Variants in SUGCT observed in about 807,000 individuals in gnomAD.
SUGCT encodes succinyl-CoA:glutarate CoA-transferase.
SUGCT carries 41 observed loss-of-function variants against 55.0 expected under a neutral mutation model. The observed-to-expected ratio is 0.74, with a 90% CI of 0.58 to 0.97. The LOEUF is 0.97. Ranked by LOEUF, SUGCT falls within the 50% of genes least tolerant of loss-of-function variation. SUGCT has a pLI of 0.00. For missense variants in SUGCT, 568 were observed against 547.8 expected, an observed-to-expected ratio of 1.04 and a Z score of -0.37; for synonymous variants, 187 against 200.4, an observed-to-expected ratio of 0.93 and a Z score of 0.56.
chr7:40,841,270 A>C (rs534577049), intron 13 of SUGCT, among the ~76,000 whole-genome samples: 2 of 152,250 alleles, frequency 1.3e-5, no homozygotes, highest in Admixed American at 1.3e-4. Flanking sequence ...TTTACAGACA[A>C]TAATTTATAA....
chr7:40,197,362 A>C (rs1786348487), intron 6 of SUGCT, among the ~76,000 whole-genome samples: 1 of 152,208 alleles, frequency 6.6e-6, no homozygotes, highest in Non-Finnish European at 1.5e-5. Flanking sequence ...ATATAGGTAA[A>C]TTATCTTCTG....
chr7:40,429,362 G>A (rs1043110316), intron 9 of SUGCT, among the ~76,000 whole-genome samples: 3 of 152,110 alleles, frequency 2.0e-5, no homozygotes, highest in Admixed American at 6.5e-5. Context: ...TAGGATAGAT[G>A]TATATATAAA....
chr7:40,785,475 T>C (rs1205316420), intron 13 of SUGCT, among the ~76,000 whole-genome samples: 1 of 152,180 alleles, frequency 6.6e-6, no homozygotes, highest in East Asian at 1.9e-4. Context: ...AACCAGGAAC[T>C]TAAGGTAAAT....
At chr7:40,138,420 A>C (rs1787807495) in intron 1 of SUGCT, among the ~76,000 whole-genome samples, 1 of 152,098 alleles carries the variant, frequency 6.6e-6, no homozygotes, top group African/African-American at 2.4e-5. Context: ...GGTTGATTTC[A>C]TATCTTTGCT....
intron 1 of SUGCT, among the ~76,000 whole-genome samples, chr7:40,136,027 C>T (rs538817092): frequency 2.0e-5 from 3 of 148,422 alleles, no homozygotes; most frequent in South Asian, 4.2e-4. Context: ...GAGACAGTCT[C>T]GCTCTGTCGC....
the SUGCT span, among the ~76,000 whole-genome samples, chr7:41,033,138 C>T: frequency 6.6e-6 from 1 of 152,176 alleles, no homozygotes; most frequent in African/African-American, 2.4e-5. Context: ...CAGGCCCAAA[C>T]ATTTGGTCAT....
Position 40,274,596 on chromosome 7 carries a change from G to T in SUGCT, c.660G>T (p.Leu220Phe). Residue 220 changes from leucine (L) to phenylalanine (F), a missense_variant, in exon 8 of 14, where the codon TTG becomes TTT. Coordinates refer to ENST00000335693, the MANE Select transcript of SUGCT (RefSeq NM_001193313.2). ...CATATGGAGCTATTATGGCTGGATT[G>T]ATACAAAAATACAAAACTGGGAAAG... ...LYAYGAIMAGLIQKYKTGKGL... is the reference protein window; with the variant it reads ...LYAYGAIMAGFIQKYKTGKGL... 6.2e-7 allele frequency: 1 copy of T among 1,613,750 alleles called. No individual in the cohort carries two copies. Among genetic ancestry groups the T allele is most frequent in the Non-Finnish European group, 8.5e-7 (1 of 1,179,790 alleles).
chr7:40,880,916 G>A, the SUGCT span, among the ~76,000 whole-genome samples: 2 of 152,186 alleles, frequency 1.3e-5, no homozygotes, highest in Non-Finnish European at 2.9e-5. Context: ...CTTATTGTGA[G>A]GTAGAGAGAG....
chr7:40,935,031 G>C, the SUGCT span, among the ~76,000 whole-genome samples: 2 of 152,218 alleles, frequency 1.3e-5, no homozygotes, highest in African/African-American at 4.8e-5. Flanking sequence ...GCAGAACAGA[G>C]CTTTTCCATT....
At chr7:40,315,379 C>A (rs1157977996) in intron 8 of SUGCT, among the ~76,000 whole-genome samples, 1 of 152,230 alleles carries the variant, frequency 6.6e-6, no homozygotes, top group African/African-American at 2.4e-5. Flanking sequence ...CGGCCCCAGG[C>A]AGCCCTGGAA....
chr7:40,809,324 A>AT (rs556422397), intron 13 of SUGCT, among the ~76,000 whole-genome samples: 175 of 152,184 alleles, frequency 1.1e-3, no homozygotes, highest in African/African-American at 4.0e-3. Flanking sequence ...AATATCTGTT[A>AT]TTTTTTACCA....
intron 6 of SUGCT, among the ~76,000 whole-genome samples, chr7:40,228,484 G>A (rs116421844): frequency 6.6e-6 from 1 of 151,584 alleles, no homozygotes. Flanking sequence ...TCTATAACTT[G>A]TTCAGGTTTG....
At chr7:40,860,217 T>C (rs763856434) in intron 13 of SUGCT, 99 bp from the exon 14 acceptor site, 2 of 1,409,518 alleles carry the variant, frequency 1.4e-6, no homozygotes, top group Non-Finnish European at 2.0e-6. Context: ...CACTCATTGA[T>C]ATTTTTGGCA....
intron 6 of SUGCT, among the ~76,000 whole-genome samples, chr7:40,216,240 G>A (rs1457851944): frequency 1.3e-5 from 2 of 151,854 alleles, no homozygotes; most frequent in Non-Finnish European, 2.9e-5. Flanking sequence ...GGTAGCTCAC[G>A]CCTGTAATCC....
chr7:40,752,829 CTTTT>C (rs979692969), intron 13 of SUGCT, among the ~76,000 whole-genome samples: 1 of 152,074 alleles, frequency 6.6e-6, no homozygotes, highest in Non-Finnish European at 1.5e-5. Flanking sequence ...TTTCTTTCTC[CTTTT>C]TTTGTTTTAA....
intron 12 of SUGCT, among the ~76,000 whole-genome samples, chr7:40,501,211 A>G (rs1484113703): frequency 1.3e-5 from 2 of 152,156 alleles, no homozygotes; most frequent in Non-Finnish European, 2.9e-5. Context: ...CTGATGTACA[A>G]ATTTAGATAC....
chr7:40,866,374 T>C, the SUGCT span, among the ~76,000 whole-genome samples: 1 of 152,028 alleles, frequency 6.6e-6, no homozygotes, highest in African/African-American at 2.4e-5. Flanking sequence ...AATGTACTCC[T>C]GATGAACATT....
At chr7:40,720,188 A>G (rs1786253628) in intron 12 of SUGCT, among the ~76,000 whole-genome samples, 2 of 152,180 alleles carry the variant, frequency 1.3e-5, no homozygotes, top group East Asian at 3.9e-4. Context: ...TTAGAGTCAC[A>G]TGACCTTGGT....
rs568284254 is a variant in SUGCT at position 40,510,891 on chromosome 7, A to G, written c.1089+14505A>G. Among the ~76,000 whole-genome samples, 28 of 152,280 alleles carry G rather than the reference A, an allele frequency of 1.8e-4. No homozygotes were observed. The South Asian group carries it at 4.8e-3, about 26-fold the overall frequency. On this transcript the variant is annotated intron_variant, in intron 12 of 13. Coordinates refer to ENST00000335693, the MANE Select transcript of SUGCT (RefSeq NM_001193313.2). ...AATAATTGTTGTGGGAAAAAGGACC[A>G]TTGGTGGATGCCTCAGAGTCACCTG... is the stretch of plus-strand genomic sequence containing the variant.
Sources: allele counts gnomAD v4.1 joint callset (sites outside exome capture counted in the v4.1 genomes callset), GRCh38; gene constraint gnomAD v4.1.1; transcripts MANE v1.5; gene names NCBI Gene and HGNC (gene_info 2026-07-23, HGNC 2026-07-21).